The following AUTS2 variants were observed in gnomAD, a reference collection of about 807,000 sequenced individuals.
AUTS2 encodes the protein activator of transcription and developmental regulator AUTS2, also known as autism susceptibility gene 2 protein.
A neutral mutation model predicts 112.4 loss-of-function variants in AUTS2; 17 were observed. That is an observed-to-expected ratio of 0.15 (90% CI 0.10 to 0.23). The LOEUF (loss-of-function observed/expected upper bound fraction) is 0.23, where lower values mean the gene tolerates loss of function less well. Ranked by LOEUF, AUTS2 falls within the 10% of genes least tolerant of loss-of-function variation. The pLI, the probability that AUTS2 is intolerant of heterozygous loss-of-function variation, is 1.00. For synonymous variants in AUTS2, 751 were observed against 702.7 expected, an observed-to-expected ratio of 1.07 and a Z score of -1.09; for missense variants, 1,510 against 1,701.6, an observed-to-expected ratio of 0.89 and a Z score of 1.98.
intron 5 of AUTS2, among the ~76,000 whole-genome samples, chr7:70,652,707 A>G (rs575278859): frequency 3.9e-5 from 6 of 152,294 alleles, no homozygotes; most frequent in South Asian, 4.1e-4. Context: ...CAACATAGCA[A>G]GACCCTGTGT....
At chr7:70,497,910 A>C (rs1798620432) in intron 5 of AUTS2, among the ~76,000 whole-genome samples, 1 of 152,200 alleles carries the variant, frequency 6.6e-6, no homozygotes, top group African/African-American at 2.4e-5. Context: ...CACATCAGAC[A>C]CTACTCCAGC....
chr7:69,702,044 T>G (rs1401752539), intron 1 of AUTS2, among the ~76,000 whole-genome samples: 1 of 152,214 alleles, frequency 6.6e-6, no homozygotes, highest in Non-Finnish European at 1.5e-5. Flanking sequence ...GATCAGTGCA[T>G]CCTCTTTATT....
chr7:69,608,877 G>C (rs1448317985), intron 1 of AUTS2, among the ~76,000 whole-genome samples: 1 of 152,184 alleles, frequency 6.6e-6, no homozygotes, highest in Non-Finnish European at 1.5e-5. Context: ...ATTTGTTACG[G>C]TGGTCACTAT....
At chr7:69,915,583 T>A (rs1005728669) in intron 2 of AUTS2, among the ~76,000 whole-genome samples, 3 of 152,252 alleles carry the variant, frequency 2.0e-5, no homozygotes, top group African/African-American at 7.2e-5. Flanking sequence ...GAACTCTTAG[T>A]ACAGGAAAGT....
chr7:70,091,279 T>A (rs1240556891), intron 2 of AUTS2, among the ~76,000 whole-genome samples: 3 of 152,210 alleles, frequency 2.0e-5, no homozygotes, highest in African/African-American at 4.8e-5. Context: ...GCAATTTTTT[T>A]ATGATCTGCA....
At position 69,940,139 on chromosome 7, in the gene AUTS2, G is replaced by A. The variant is rs376687514; in HGVS notation, c.522+40641G>A. 3.7e-4 allele frequency among the ~76,000 whole-genome samples: 56 copies of A among 152,222 alleles called. 1 individual carries two copies. In the Middle Eastern group the frequency reaches 0.027, roughly 74 times the overall value. ...GCACAAAGAGACTAACTCCCACAAG[G>A]TTTCACAACTTACAAATAGCAGAGT... On this transcript the variant is annotated intron_variant, in intron 2 of 18. Transcript: ENST00000342771.
chr7:70,198,635 T>G (rs1390332433), intron 4 of AUTS2, among the ~76,000 whole-genome samples: 2 of 85,038 alleles, frequency 2.4e-5, no homozygotes, highest in Non-Finnish European at 4.7e-5. Flanking sequence ...AAGGGAAGTT[T>G]AGAGAAAAAA....
chr7:70,476,357 T>A (rs1038132835), intron 5 of AUTS2, among the ~76,000 whole-genome samples: 3 of 152,078 alleles, frequency 2.0e-5, no homozygotes, highest in Non-Finnish European at 1.5e-5. Flanking sequence ...TCTCTCTCAT[T>A]ACCCTTGTGC....
At chr7:70,691,140 G>A (rs1436893487) in intron 5 of AUTS2, among the ~76,000 whole-genome samples, 33 of 152,178 alleles carry the variant, frequency 2.2e-4, no homozygotes, top group Admixed American at 2.1e-3. Context: ...ACTTGGCTAA[G>A]ATCTTTGGGC....
chr7:70,134,449 G>T (rs1305855102), intron 3 of AUTS2, 87 bp from the exon 4 acceptor site: 15 of 1,148,870 alleles, frequency 1.3e-5, no homozygotes, highest in Non-Finnish European at 2.0e-5. Context: ...TGAAAAGCCT[G>T]CAAAGGGCTG....
rs185105191 is a variant in AUTS2, at chr7:69,936,181, G to A, written c.522+36683G>A. ...AGTTACTGTTTCTTTCCCACATTCA[G>A]CCAATAGCATACATTTTGTAGAAAG... On this transcript the variant is annotated intron_variant, in intron 2 of 18. Coordinates refer to ENST00000342771, the MANE Select transcript of AUTS2 (RefSeq NM_015570.4). Among the ~76,000 whole-genome samples the A allele has an allele frequency of 3.4e-3, 517 of 152,236 alleles. 1 individual carries two copies. Among genetic ancestry groups the A allele is most frequent in the Non-Finnish European group, 5.2e-3 (355 of 68,022 alleles).
chr7:70,631,774 C>A lies in AUTS2; in HGVS notation c.691-66795C>A, dbSNP rs1242978681. ...GCTCAGCAGCAAAATATCCTTGAAT[C>A]AATACTGCTGCTTGACAGCATCTCC... is the stretch of plus-strand genomic sequence containing the variant. On this transcript the variant is annotated intron_variant, in intron 5 of 18. Coordinates refer to ENST00000342771, the MANE Select transcript of AUTS2 (RefSeq NM_015570.4). This position sits in a 1 kb window ranked among gnomAD's most constrained non-coding sequence, Gnocchi z 4.5. 2.0e-5 allele frequency among the ~76,000 whole-genome samples: 3 copies of A among 152,144 alleles called. No individual in the cohort carries two copies. Among genetic ancestry groups the A allele is most frequent in the African/African-American group, 7.2e-5 (3 of 41,446 alleles).
chr7:70,224,331 GTACAATACAA>G (rs61077173), intron 4 of AUTS2, among the ~76,000 whole-genome samples: 34,169 of 138,334 alleles, frequency 0.25, 4,561 homozygotes, highest in Non-Finnish European at 0.3. Flanking sequence ...ATACAGTACA[GTACAATACAA>G]TACAATACAA....
intron 1 of AUTS2, among the ~76,000 whole-genome samples, chr7:69,872,831 A>ATTTTT (rs1793558367): frequency 1.1e-5 from 1 of 90,536 alleles, no homozygotes; most frequent in African/African-American, 4.8e-5. Context: ...TGTAGCCTAT[A>ATTTTT]TTCTTTTTTT....
At chr7:69,785,030 G>GA (rs923189880) in intron 1 of AUTS2, among the ~76,000 whole-genome samples, 19 of 147,892 alleles carry the variant, frequency 1.3e-4, no homozygotes, top group Middle Eastern at 6.4e-3. Flanking sequence ...ACTATGAAAG[G>GA]AAAAAAAAAC....
intron 1 of AUTS2, among the ~76,000 whole-genome samples, chr7:69,845,860 C>A (rs1792173064): frequency 6.6e-6 from 1 of 152,172 alleles, no homozygotes. Flanking sequence ...CAGCACAACT[C>A]CTGGGATGCA....
At chr7:70,784,794 G>A in intron 15 of AUTS2, 148 bp from the exon 16 acceptor site, 1 of 463,366 alleles carries the variant, frequency 2.2e-6, no homozygotes, top group Non-Finnish European at 3.9e-6. Flanking sequence ...CTTTTACCCT[G>A]TGTCTTGCCT....
At chr7:70,417,391 G>A (rs1795030931) in intron 4 of AUTS2, among the ~76,000 whole-genome samples, 1 of 152,206 alleles carries the variant, frequency 6.6e-6, no homozygotes, top group African/African-American at 2.4e-5. Context: ...GCTGACCGTG[G>A]CAATGGCAGT....
At chr7:70,630,280 T>G (rs1346656223) in intron 5 of AUTS2, among the ~76,000 whole-genome samples, 2 of 151,898 alleles carry the variant, frequency 1.3e-5, no homozygotes, top group Non-Finnish European at 2.9e-5. Flanking sequence ...CAGGCCTTCA[T>G]CATCATTTTC....
Sources: gnomAD v4.1 joint callset for allele counts (sites outside exome capture counted in the v4.1 genomes callset) on GRCh38, gnomAD v4.1.1 for gene constraint, Gnocchi (gnomAD v3.1) non-coding constraint, MANE v1.5 for transcripts, NCBI Gene and HGNC (gene_info 2026-07-23, HGNC 2026-07-21) for gene names.